The following DPP10 variants were observed in gnomAD, a reference collection of about 807,000 sequenced individuals.
The protein encoded by DPP10 is dipeptidyl peptidase like 10, also known as inactive dipeptidyl peptidase 10.
Under a neutral mutation model 120.9 loss-of-function variants are expected in DPP10, and 33 were observed. That is an observed-to-expected ratio of 0.27 (90% confidence interval 0.21 to 0.37). The LOEUF (loss-of-function observed/expected upper bound fraction) is 0.37, where lower values mean the gene tolerates loss of function less well. DPP10 is among the 10% of genes least tolerant of loss of function. The pLI, the probability that DPP10 is intolerant of heterozygous loss-of-function variation, is 1.00. For synonymous variants in DPP10, 337 were observed against 326.1 expected, an observed-to-expected ratio of 1.03 and a Z score of -0.36; for missense variants, 816 against 942.8, an observed-to-expected ratio of 0.87 and a Z score of 1.76.
At chr2:114,727,722 G>T (rs931556054) in intron 1 of DPP10, among the ~76,000 whole-genome samples, 2 of 152,162 alleles carry the variant, frequency 1.3e-5, no homozygotes, top group Non-Finnish European at 2.9e-5. Flanking sequence ...GTTTTGTGTA[G>T]TAAAGAACTC....
intron 1 of DPP10, among the ~76,000 whole-genome samples, chr2:114,973,058 T>A (rs1385551368): frequency 1.3e-5 from 2 of 152,210 alleles, no homozygotes; most frequent in East Asian, 1.9e-4. Context: ...TATAGTCATA[T>A]ACCATGTAAT....
At position 115,426,023 on chromosome 2, in the gene DPP10, T is replaced by TCACCAGG. The variant is rs1271161875; in HGVS notation, c.272-73487_272-73486insCACCAGG. ...TCTGCCTCCATGACCCAAACACCTC[T>TCACCAGG]TACCAGGTGCCACCTCCGACACTGG... On this transcript the variant is annotated intron_variant, in intron 3 of 25. Transcript: ENST00000410059. Among the ~76,000 whole-genome samples, 191 of 151,888 alleles carry TCACCAGG rather than the reference T, an allele frequency of 1.3e-3. 14 individuals carry two copies. The highest frequency in any genetic ancestry group is 4.1e-3 in the African/African-American group (170 of 41,228).
intron 1 of DPP10, among the ~76,000 whole-genome samples, chr2:114,864,712 G>A (rs1690086268): frequency 6.6e-6 from 1 of 152,172 alleles, no homozygotes; most frequent in Non-Finnish European, 1.5e-5. Flanking sequence ...CAGATTCACT[G>A]GAGTTAAATT....
chr2:115,564,452 G>T (rs969432179), intron 5 of DPP10, among the ~76,000 whole-genome samples: 5 of 151,924 alleles, frequency 3.3e-5, no homozygotes, highest in Non-Finnish European at 7.4e-5. Context: ...ATGTTAATTT[G>T]TACCCAGAAT....
At chr2:115,806,439 A>C (rs1473917482) in intron 19 of DPP10, among the ~76,000 whole-genome samples, 1 of 152,162 alleles carries the variant, frequency 6.6e-6, no homozygotes, top group African/African-American at 2.4e-5. Context: ...CTGATGCAAA[A>C]ACTCAGCTAA....
At chr2:115,330,334 G>A (rs1256005354) in intron 2 of DPP10, among the ~76,000 whole-genome samples, 3 of 151,870 alleles carry the variant, frequency 2.0e-5, no homozygotes, top group African/African-American at 7.3e-5. Flanking sequence ...CTGGATATTA[G>A]CCCTTTGTCA....
intron 1 of DPP10, among the ~76,000 whole-genome samples, chr2:114,737,109 A>T (rs1447350932): frequency 1.3e-5 from 2 of 152,218 alleles, no homozygotes; most frequent in African/African-American, 4.8e-5. Flanking sequence ...TTGAAAAAAC[A>T]AACAAAAGAA....
At chr2:115,131,677 G>T (rs1017697526) in intron 1 of DPP10, 1 of 152,084 alleles carries the variant, frequency 6.6e-6, no homozygotes, top group Non-Finnish European at 1.5e-5. Flanking sequence ...TTTGTTATCA[G>T]AAAAAACAAA....
At chr2:114,886,091 T>C (rs1244560968) in intron 1 of DPP10, among the ~76,000 whole-genome samples, 1 of 152,238 alleles carries the variant, frequency 6.6e-6, no homozygotes, top group Admixed American at 6.5e-5. Context: ...TCAAATGATC[T>C]TACTTTTGGA....
chr2:115,403,347 C>A (rs182524954), intron 3 of DPP10, among the ~76,000 whole-genome samples: 1 of 148,544 alleles, frequency 6.7e-6, no homozygotes, highest in Non-Finnish European at 1.5e-5. Context: ...CAACGATGCT[C>A]ACTGTCACTA....
intron 10 of DPP10, among the ~76,000 whole-genome samples, chr2:115,750,594 T>G (rs1838833): frequency 1 from 152,299 of 152,300 alleles, 76,149 homozygotes; most frequent in Non-Finnish European, 1. Context: ...GCCACATTAT[T>G]TAAAAACAGA....
chr2:114,691,743 T>A (rs2105771375), intron 1 of DPP10, among the ~76,000 whole-genome samples: 1 of 152,262 alleles, frequency 6.6e-6, no homozygotes, highest in South Asian at 2.1e-4. Flanking sequence ...TATTTATTAC[T>A]GTCTCAATTT....
intron 1 of DPP10, among the ~76,000 whole-genome samples, chr2:114,841,338 A>T (rs976238381): frequency 2.0e-5 from 3 of 152,186 alleles, no homozygotes; most frequent in African/African-American, 7.2e-5. Context: ...GCAGCCAAAA[A>T]TAAAATAGTT....
chr2:115,555,145 A>G (rs574910073), intron 5 of DPP10, among the ~76,000 whole-genome samples: 5 of 152,228 alleles, frequency 3.3e-5, no homozygotes, highest in Middle Eastern at 3.4e-3. Context: ...TGATGGGGAA[A>G]TTTATTTCCA....
chr2:115,649,395 T>G (rs1451665942), intron 5 of DPP10, among the ~76,000 whole-genome samples: 1 of 152,130 alleles, frequency 6.6e-6, no homozygotes, highest in Non-Finnish European at 1.5e-5. Flanking sequence ...GTGAAATATA[T>G]TGTAGAAACT....
chr2:114,848,409 C>A (rs541462763), intron 1 of DPP10, among the ~76,000 whole-genome samples: 105 of 152,234 alleles, frequency 6.9e-4, no homozygotes, highest in African/African-American at 2.3e-3. Flanking sequence ...GGGCACATGG[C>A]ACTCAAAGAG....
intron 3 of DPP10, among the ~76,000 whole-genome samples, chr2:115,446,983 C>G (rs1472810957): frequency 6.6e-6 from 1 of 152,170 alleles, no homozygotes; most frequent in Non-Finnish European, 1.5e-5. Flanking sequence ...TGCTCTATCA[C>G]CATGAACAGC....
rs1193039011 is a variant in DPP10 at position 115,162,559 on chromosome 2, T to TG, written c.61-146675dup. Among the ~76,000 whole-genome samples, 8 of 152,092 alleles carry TG rather than the reference T, an allele frequency of 5.3e-5. No individual in the cohort carries two copies. The South Asian group carries it at 1.5e-3, about 28-fold the overall frequency. ...CGGGTGTGTGTTTGTGAGGTGGGGA[T>TG]GGGGGAAGAGTGTCCCAGACATCCG... On this transcript the variant is annotated intron_variant, in intron 1 of 25. Transcript: ENST00000410059.
intron 1 of DPP10, among the ~76,000 whole-genome samples, chr2:114,813,085 CCTA>C (rs1685324227): frequency 6.6e-6 from 1 of 152,162 alleles, no homozygotes; most frequent in Non-Finnish European, 1.5e-5. Context: ...TCTTCGTTTC[CCTA>C]CTACATTTAT....
Sources: gnomAD v4.1 joint callset for allele counts (sites outside exome capture counted in the v4.1 genomes callset) on GRCh38, gnomAD v4.1.1 for gene constraint, MANE v1.5 for transcripts, NCBI Gene and HGNC (gene_info 2026-07-23, HGNC 2026-07-21) for gene names.